GALNT13: variants seen among roughly 807,000 people sequenced by gnomAD.
GALNT13 encodes polypeptide N-acetylgalactosaminyltransferase 13.
Under a neutral mutation model 64.2 loss-of-function variants are expected in GALNT13, and 28 were observed. The ratio of observed to expected loss-of-function variants is 0.44; its 90% CI spans 0.32 to 0.60. The LOEUF (loss-of-function observed/expected upper bound fraction) is 0.60, where lower values mean the gene tolerates loss of function less well. GALNT13 is among the 20% of genes least tolerant of loss of function. GALNT13 has a pLI of 0.05. For missense variants in GALNT13, 577 were observed against 669.8 expected (o/e 0.86, Z 1.53); for synonymous variants, 214 against 224.6 (o/e 0.95, Z 0.42).
the GALNT13 span, among the ~76,000 whole-genome samples, chr2:153,102,652 C>T: frequency 4.6e-5 from 7 of 152,028 alleles, no homozygotes; most frequent in African/African-American, 1.7e-4. Context: ...AAATAATACT[C>T]TCTCAATTTC....
At chr2:153,338,827 G>A in the GALNT13 span, among the ~76,000 whole-genome samples, 1 of 152,024 alleles carries the variant, frequency 6.6e-6, no homozygotes, top group African/African-American at 2.4e-5. Flanking sequence ...TTTACTCTCT[G>A]TTTCTATAAG....
At chr2:153,667,454 A>G in the GALNT13 span, among the ~76,000 whole-genome samples, 1 of 152,208 alleles carries the variant, frequency 6.6e-6, no homozygotes. Context: ...AATCCAGAAG[A>G]GATTGGAGGT....
the GALNT13 span, among the ~76,000 whole-genome samples, chr2:153,310,918 G>A: frequency 3.1e-3 from 473 of 152,264 alleles, 18 homozygotes; most frequent in East Asian, 0.086. Context: ...GCACCCAGAT[G>A]GAAGGATCAA....
chr2:153,512,808 G>A, the GALNT13 span, among the ~76,000 whole-genome samples: 69 of 152,108 alleles, frequency 4.5e-4, no homozygotes, highest in African/African-American at 1.0e-3. Context: ...TTTAATTTGC[G>A]TTTAGGGGAC....
At position 154,301,589 on chromosome 2, in the gene GALNT13, G is replaced by A. The variant is rs1329647036; in HGVS notation, c.1156G>A (p.Gly386Ser). The part of the protein sequence containing the change: ...FKDFFYIISP[G>S]VVKVDYGDVS... ...AGATTTCTTCTACATCATATCCCCA[G>A]GTACACAATTCTGACATTTTTCTTT... Residue 386 changes from glycine (G) to serine (S), a missense_variant and splice_region_variant, in exon 9 of 13, where the codon GGT becomes AGT. Gly to Ser is a moderately conservative substitution (Grantham distance 56). Transcript: ENST00000392825. The A allele has an allele frequency of 1.3e-6, 2 of 1,596,344 alleles. No individual in the cohort carries two copies. The highest frequency in any genetic ancestry group is 1.7e-6 in the Non-Finnish European group (2 of 1,166,170).
chr2:153,479,158 CT>C, the GALNT13 span, among the ~76,000 whole-genome samples: 4 of 152,190 alleles, frequency 2.6e-5, no homozygotes, highest in Non-Finnish European at 4.4e-5. Context: ...TGCTGCCCCC[CT>C]GACCTCTGGG....
At chr2:153,245,198 C>T in the GALNT13 span, among the ~76,000 whole-genome samples, 2 of 152,226 alleles carry the variant, frequency 1.3e-5, no homozygotes, top group East Asian at 1.9e-4. Context: ...GGCACAGCTT[C>T]CTCAGACTTA....
chr2:154,342,603 A>G (rs1559101421), intron 9 of GALNT13, among the ~76,000 whole-genome samples: 1 of 152,094 alleles, frequency 6.6e-6, no homozygotes, highest in South Asian at 2.1e-4. Flanking sequence ...TTCATAAAAA[A>G]AACTTTAATT....
intron 3 of GALNT13, among the ~76,000 whole-genome samples, chr2:154,031,137 G>A (rs900666296): frequency 6.6e-6 from 1 of 152,102 alleles, no homozygotes; most frequent in Non-Finnish European, 1.5e-5. Context: ...TACAGATGTT[G>A]TGTAGGAGAA....
At chr2:153,916,456 C>T (rs780666768) in intron 2 of GALNT13, among the ~76,000 whole-genome samples, 1 of 152,000 alleles carries the variant, frequency 6.6e-6, no homozygotes, top group Non-Finnish European at 1.5e-5. Flanking sequence ...TGTGCCCAGC[C>T]TAGGTAATCC....
the GALNT13 span, among the ~76,000 whole-genome samples, chr2:153,223,561 T>C: frequency 2.0e-5 from 3 of 152,010 alleles, no homozygotes; most frequent in African/African-American, 7.2e-5. Context: ...CTCTGGAAAT[T>C]AAACAAAACA....
Position 153,899,941 on chromosome 2 carries a change from T to A in GALNT13, c.-176-995T>A, listed in dbSNP as rs998478924. Among the ~76,000 whole-genome samples the A allele has an allele frequency of 1.6e-3, 228 of 140,718 alleles. 1 individual carries two copies. The East Asian group carries it at 0.026, about 16-fold the overall frequency. The allele number at this position is 140,718 out of a possible 152,430, so 92.3% of individuals were successfully genotyped here. A position where few individuals can be genotyped will look rare whatever the true frequency, so the allele number is the denominator to read the frequency against. On this transcript the variant is annotated intron_variant, in intron 1 of 12. Coordinates refer to ENST00000392825, the MANE Select transcript of GALNT13 (RefSeq NM_052917.4). ...CATATATATATATATATATATTTTT[T>A]TTTTTTTTTTTTGAGATGGAGTCTC...
At chr2:153,221,802 C>T in the GALNT13 span, among the ~76,000 whole-genome samples, 1 of 152,190 alleles carries the variant, frequency 6.6e-6, no homozygotes, top group Non-Finnish European at 1.5e-5. Flanking sequence ...TGCAAGCCTG[C>T]GGCTGGATCA....
At chr2:154,242,672 CT>C (rs757677744) in intron 5 of GALNT13, 25 bp from the exon 6 acceptor site, 2 of 1,516,066 alleles carry the variant, frequency 1.3e-6, no homozygotes, top group Admixed American at 1.8e-5. Flanking sequence ...AAAAATTTTT[CT>C]TATAAATTCT....
At chr2:153,678,217 G>A in the GALNT13 span, among the ~76,000 whole-genome samples, 5 of 150,044 alleles carry the variant, frequency 3.3e-5, no homozygotes, top group African/African-American at 1.2e-4. Context: ...TGCCATAAAG[G>A]CACATGCACA....
the GALNT13 span, among the ~76,000 whole-genome samples, chr2:153,571,281 G>A: frequency 3.5e-4 from 53 of 152,008 alleles, no homozygotes; most frequent in African/African-American, 1.3e-3. Flanking sequence ...ATATAGAAAT[G>A]CTACTGATTT....
chr2:153,345,944 C>T, the GALNT13 span, among the ~76,000 whole-genome samples: 4 of 151,738 alleles, frequency 2.6e-5, no homozygotes, highest in East Asian at 1.9e-4. Context: ...TACAGGCATG[C>T]GCCATGAAGC....
chr2:153,811,098 T>C, the GALNT13 span, among the ~76,000 whole-genome samples: 1 of 152,190 alleles, frequency 6.6e-6, no homozygotes, highest in Non-Finnish European at 1.5e-5. Flanking sequence ...GATATTTATG[T>C]TAGCTATTAT....
the GALNT13 span, among the ~76,000 whole-genome samples, chr2:153,646,225 C>A: frequency 6.6e-6 from 1 of 151,838 alleles, no homozygotes; most frequent in Non-Finnish European, 1.5e-5. Flanking sequence ...AATATTTTCC[C>A]AAAGTTCAAA....
Sources: gnomAD v4.1 joint callset for allele counts (sites outside exome capture counted in the v4.1 genomes callset) on GRCh38, gnomAD v4.1.1 for gene constraint, MANE v1.5 for transcripts, NCBI Gene and HGNC (gene_info 2026-07-23, HGNC 2026-07-21) for gene names.